CLEC2A: variants seen among roughly 807,000 people sequenced by gnomAD.
CLEC2A encodes keratinocyte-associated C-type lectin.
A neutral mutation model predicts 18.6 loss-of-function variants in CLEC2A; 19 were observed. The ratio of observed to expected loss-of-function variants is 1.02; its 90% CI spans 0.71 to 1.50. CLEC2A has a LOEUF of 1.50. Among genes scored for constraint, CLEC2A ranks in the 40% most tolerant of loss-of-function variants. The probability of loss-of-function intolerance (pLI) is 0.00; values close to 1 mark genes in which losing one functional copy is unlikely to be tolerated. For synonymous variants in CLEC2A, 74 were observed against 64.0 expected, an observed-to-expected ratio of 1.16 and a Z score of -0.75; for missense variants, 190 against 207.9, an observed-to-expected ratio of 0.91 and a Z score of 0.53.
intron 4 of CLEC2A, 134 bp downstream of exon 4, chr12:9,916,566 T>G: frequency 1.5e-6 from 1 of 663,826 alleles, no homozygotes; most frequent in South Asian, 1.9e-5. Context: ...GCATATGTCA[T>G]CGATTGGAGA....
chr12:9,913,786 C>G (rs186609507), intron 4 of CLEC2A, 106 bp from the exon 5 acceptor site: 32 of 683,248 alleles, frequency 4.7e-5, no homozygotes, highest in Non-Finnish European at 6.6e-5. Context: ...ACACTGAGCT[C>G]CCAGAAAATA....
At chr12:9,911,328 G>T (rs1309572353), downstream of CLEC2A, among the ~76,000 whole-genome samples, 1 of 152,110 alleles carries the variant, frequency 6.6e-6, no homozygotes, top group Non-Finnish European at 1.5e-5. Context: ...AAAGAAGAGA[G>T]TACAAGAAGG....
chr12:9,888,213 G>A, the CLEC2A span, among the ~76,000 whole-genome samples: 6 of 151,704 alleles, frequency 4.0e-5, no homozygotes, highest in South Asian at 6.2e-4. Context: ...ATTGCAGGCC[G>A]GGCATGGTGG....
chr12:9,879,754 T>C, the CLEC2A span, among the ~76,000 whole-genome samples: 1 of 152,212 alleles, frequency 6.6e-6, no homozygotes, highest in Non-Finnish European at 1.5e-5. Flanking sequence ...ATAAGACATA[T>C]GTTCACCACC....
intron 2 of CLEC2A, among the ~76,000 whole-genome samples, chr12:9,924,856 G>A (rs1038740515): frequency 1.8e-4 from 27 of 152,188 alleles, no homozygotes; most frequent in African/African-American, 6.5e-4. Context: ...AACACTCTGA[G>A]CTTCCTTATT....
chr12:9,926,752 A>G (rs1286118691), intron 1 of CLEC2A, among the ~76,000 whole-genome samples: 3 of 152,210 alleles, frequency 2.0e-5, no homozygotes, highest in Non-Finnish European at 2.9e-5. Flanking sequence ...AAGGAGTCAT[A>G]AGGTCATGAC....
chr12:9,923,514 G>C (rs918826231), intron 2 of CLEC2A, among the ~76,000 whole-genome samples: 1 of 152,178 alleles, frequency 6.6e-6, no homozygotes, highest in Admixed American at 6.5e-5. Context: ...GTGGAAGACA[G>C]TGTGGCGATT....
chr12:9,880,833 A>G, the CLEC2A span, among the ~76,000 whole-genome samples: 1 of 152,174 alleles, frequency 6.6e-6, no homozygotes, highest in Non-Finnish European at 1.5e-5. Flanking sequence ...GCCTTACTCA[A>G]AGGTCACCTA....
At chr12:9,906,995 T>G (rs2137022837) in intron 4 of CLEC2A, among the ~76,000 whole-genome samples, 1 of 152,298 alleles carries the variant, frequency 6.6e-6, no homozygotes, top group South Asian at 2.1e-4. Flanking sequence ...TGCCTTTTGG[T>G]TTAAGATAGT....
the CLEC2A span, among the ~76,000 whole-genome samples, chr12:9,880,415 C>T: frequency 6.6e-6 from 1 of 152,092 alleles, no homozygotes; most frequent in Admixed American, 6.5e-5. Context: ...ATCAGGTGAA[C>T]ACAACATGTG....
intron 3 of CLEC2A, among the ~76,000 whole-genome samples, chr12:9,919,364 G>A (rs1422772212): frequency 6.6e-6 from 1 of 152,208 alleles, no homozygotes; most frequent in African/African-American, 2.4e-5. Context: ...GCCCAAGCTG[G>A]AGGTTCCATG....
the CLEC2A span, among the ~76,000 whole-genome samples, chr12:9,881,094 T>G: frequency 5.9e-5 from 9 of 152,382 alleles, no homozygotes; most frequent in Non-Finnish European, 1.2e-4. Context: ...TTCCTATTTT[T>G]GTCCCATCTA....
chr12:9,932,298 G>T lies in CLEC2A; in HGVS notation c.32C>A (p.Ala11Asp), dbSNP rs952079003. The change falls in exon 1 of 5, where the codon GCT becomes GAT. Residue 11 changes from alanine to aspartate, a missense_variant. Ala to Asp is a moderately radical substitution (Grantham distance 126). Transcript: ENST00000455827. ...ACCTATCCGATGTATGAAGCCATCA[G>T]CTCTGCCATCCCGCAGCTCTGGATT... MINPELRDGR[A>D]DGFIHRIVPK... 2 of 1,551,666 alleles carry T rather than the reference G, an allele frequency of 1.3e-6. No homozygotes were observed. The highest frequency in any genetic ancestry group is 3.9e-5 in the Admixed American group (2 of 50,984).
At chr12:9,896,774 A>C (rs1421682567), downstream of CLEC2A, among the ~76,000 whole-genome samples, 2 of 152,092 alleles carry the variant, frequency 1.3e-5, no homozygotes, top group African/African-American at 4.8e-5. Flanking sequence ...AAATGTATCC[A>C]TCACCTCCAA....
At chr12:9,885,859 C>G in the CLEC2A span, among the ~76,000 whole-genome samples, 1 of 152,024 alleles carries the variant, frequency 6.6e-6, no homozygotes, top group East Asian at 1.9e-4. Flanking sequence ...TATTTTTAGT[C>G]GTTATGAATC....
At chr12:9,907,848 G>A (rs1274068185) in intron 4 of CLEC2A, among the ~76,000 whole-genome samples, 1 of 152,180 alleles carries the variant, frequency 6.6e-6, no homozygotes, top group Non-Finnish European at 1.5e-5. Context: ...ACTGTCCTCA[G>A]CCAAAGGACA....
At chr12:9,916,053 A>G (rs1863066311) in intron 4 of CLEC2A, among the ~76,000 whole-genome samples, 1 of 151,850 alleles carries the variant, frequency 6.6e-6, no homozygotes, top group South Asian at 2.1e-4. Flanking sequence ...TATAAATAAA[A>G]AAGTAAGCTA....
chr12:9,894,043 TTTCTTTCTTTCTCTTTCTC>T (rs1354818883), downstream of CLEC2A, among the ~76,000 whole-genome samples: 1 of 151,396 alleles, frequency 6.6e-6, no homozygotes, highest in African/African-American at 2.4e-5. Flanking sequence ...TTTCTTTTTC[TTTCTTTCTTTCTCTTTCTC>T]TTTTTTCTTT....
At chr12:9,884,152 G>GA in the CLEC2A span, among the ~76,000 whole-genome samples, 48 of 151,990 alleles carry the variant, frequency 3.2e-4, no homozygotes, top group Non-Finnish European at 5.4e-4. Flanking sequence ...CTAATATGTG[G>GA]AAAAAAGTAG....
Sources: gnomAD v4.1 joint callset for allele counts (sites outside exome capture counted in the v4.1 genomes callset) on GRCh38, gnomAD v4.1.1 for gene constraint, MANE v1.5 for transcripts, NCBI Gene and HGNC (gene_info 2026-07-23, HGNC 2026-07-21) for gene names.